The following APOBEC2 variants were observed in gnomAD, a reference collection of about 807,000 sequenced individuals.
The protein encoded by APOBEC2 is apolipoprotein B mRNA editing enzyme catalytic subunit 2.
APOBEC2 carries 14 observed loss-of-function variants against 19.4 expected under a neutral mutation model. That is an observed-to-expected ratio of 0.72 (90% confidence interval 0.48 to 1.13). The LOEUF (loss-of-function observed/expected upper bound fraction) is 1.13. APOBEC2 is among the 50% of genes most tolerant of loss of function. APOBEC2 has a pLI of 0.00. For synonymous variants in APOBEC2, 127 were observed against 112.1 expected (o/e 1.13, Z -0.84); for missense variants, 304 against 277.0 (o/e 1.10, Z -0.69).
At position 41,061,620 on chromosome 6, in the gene APOBEC2, A is replaced by T; in HGVS notation, c.424A>T (p.Thr142Ser). Residue 142 changes from threonine to serine, a missense_variant, in exon 2 of 3, where the codon ACC becomes TCC. By Grantham distance (58) the Thr-to-Ser change is moderately conservative (BLOSUM62 1). Coordinates refer to ENST00000244669, the MANE Select transcript of APOBEC2 (RefSeq NM_006789.4). ...ADRIIKTLSKTKNLRLLILVG... is the reference protein window; with the variant it reads ...ADRIIKTLSKSKNLRLLILVG... ...CCGCATTATCAAAACCCTTAGCAAG[A>T]CCAAGAACCTGCGTCTGCTCATTCT... 1 of 1,614,256 alleles carries T rather than the reference A, an allele frequency of 6.2e-7. No homozygotes were observed. The highest frequency in any genetic ancestry group is 8.5e-7 in the Non-Finnish European group (1 of 1,180,040).
Position 41,064,350 on chromosome 6 carries a change from G to C in APOBEC2, c.*271G>C, listed in dbSNP as rs557363415. ...GAAATGCAACCATACATGGGCTCCA[G>C]TCAACTATGGGACTGAAGGTCCTAA... On this transcript the variant is annotated 3_prime_UTR_variant, in exon 3 of 3. Coordinates refer to ENST00000244669, the MANE Select transcript of APOBEC2 (RefSeq NM_006789.4). 6.6e-6 allele frequency: 1 copy of C among 152,344 alleles called. No individual in the cohort carries two copies. Among genetic ancestry groups the C allele is most frequent in the Admixed American group, 6.5e-5 (1 of 15,304 alleles). 9.4% of individuals were successfully genotyped at this position (152,344 alleles called of 1,614,324 possible). A position where few individuals can be genotyped will look rare whatever the true frequency, so the allele number is the denominator to read the frequency against.
At chr6:41,062,661 G>A (rs895120591) in intron 2 of APOBEC2, among the ~76,000 whole-genome samples, 4 of 152,194 alleles carry the variant, frequency 2.6e-5, no homozygotes, top group African/African-American at 9.7e-5. Context: ...CAGCTCAGAA[G>A]TAACCTCTTA....
rs900245360 is a variant in APOBEC2 at position 41,061,682 on chromosome 6, C to G, written c.486C>G (p.Ile162Met). ...GRLFMWEEPEIQAALKKLKEA... is the reference protein window; with the variant it reads ...GRLFMWEEPEMQAALKKLKEA... ...TCTTCATGTGGGAGGAGCCGGAGAT[C>G]CAGGCTGCTCTGAAGAAGCTGAAGG... is the stretch of plus-strand genomic sequence containing the variant. Residue 162 changes from isoleucine to methionine, a missense_variant, in exon 2 of 3, where the codon ATC becomes ATG. Physicochemically the swap from Ile to Met is conservative, Grantham distance 10. Coordinates refer to ENST00000244669, the MANE Select transcript of APOBEC2 (RefSeq NM_006789.4). 1.9e-6 allele frequency: 3 copies of G among 1,614,228 alleles called. No homozygotes were observed. The highest frequency in any genetic ancestry group is 2.7e-5 in the African/African-American group (2 of 75,048).
intron 1 of APOBEC2, among the ~76,000 whole-genome samples, chr6:41,060,910 T>C (rs1171513999): frequency 3.3e-5 from 5 of 152,250 alleles, no homozygotes; most frequent in Non-Finnish European, 7.3e-5. Flanking sequence ...AAAATACTGA[T>C]GCTTGGACCA....
chr6:41,055,541 G>T (rs75616059), intron 1 of APOBEC2, among the ~76,000 whole-genome samples: 1 of 152,166 alleles, frequency 6.6e-6, no homozygotes, highest in African/African-American at 2.4e-5. Flanking sequence ...AGTCAAGGGG[G>T]TCAGCAAAGC....
At chr6:41,059,885 A>G (rs1292648317) in intron 1 of APOBEC2, among the ~76,000 whole-genome samples, 1 of 152,234 alleles carries the variant, frequency 6.6e-6, no homozygotes, top group African/African-American at 2.4e-5. Flanking sequence ...AGGCAATAGT[A>G]GAATTAATGG....
At position 41,055,351 on chromosome 6, in the gene APOBEC2, C is replaced by T. The variant is rs544014330; in HGVS notation, c.131+1873C>T. Among the ~76,000 whole-genome samples the T allele has an allele frequency of 6.6e-5, 10 of 152,294 alleles. No individual in the cohort carries two copies. In the East Asian group the frequency reaches 1.2e-3, roughly 18 times the overall value. ...GTGAACAGTTCAGGTGGGAGCAGAG[C>T]GCTGAGTGTTTCCTGGCCACAAGTA... is the stretch of plus-strand genomic sequence containing the variant. On this transcript the variant is annotated intron_variant, in intron 1 of 2. Transcript: ENST00000244669.
In APOBEC2 at chr6:41,061,456, G is replaced by A. The variant is rs766120811; in HGVS notation, c.260G>A (p.Arg87Gln). The stretch of plus-strand genomic sequence containing the variant: ...AAGGGGGGCCAAGTGCAGGCATCTC[G>A]GGGATACCTAGAGGATGAGCATGCG... ...QGKGGQVQAS[R>Q]GYLEDEHAAA... is the part of the protein sequence containing the mutation. The change falls in exon 2 of 3, where the codon CGG (arginine) becomes CAG (glutamine). Residue 87 changes from arginine to glutamine, a missense_variant. By Grantham distance (43) the Arg-to-Gln change is conservative. Coordinates refer to ENST00000244669, the MANE Select transcript of APOBEC2 (RefSeq NM_006789.4). 3.8e-5 allele frequency: 62 copies of A among 1,613,548 alleles called. 2 individuals are homozygous for A. In the South Asian group the frequency reaches 4.9e-4, roughly 13 times the overall value.
chr6:41,057,637 C>T (rs142345129), intron 1 of APOBEC2, among the ~76,000 whole-genome samples: 95 of 152,236 alleles, frequency 6.2e-4, no homozygotes, highest in African/African-American at 2.1e-3. Flanking sequence ...CGCCAGTCAC[C>T]AACAGGTCTA....
chr6:41,062,726 C>A (rs997692570), intron 2 of APOBEC2, among the ~76,000 whole-genome samples: 1 of 152,174 alleles, frequency 6.6e-6, no homozygotes, highest in Admixed American at 6.5e-5. Context: ...ATAATTAGGA[C>A]ACAATTAAGG....
Position 41,061,428 on chromosome 6 carries a change from G to A in APOBEC2, c.232G>A (p.Gly78Ser). Residue 78 changes from glycine (G) to serine (S), a missense_variant, in exon 2 of 3, where the codon GGC becomes AGC. Coordinates refer to ENST00000244669, the MANE Select transcript of APOBEC2 (RefSeq NM_006789.4). ...CCTCTGCTATGTGGTTGAAGCACAG[G>A]GCAAGGGGGGCCAAGTGCAGGCATC... ...TFLCYVVEAQ[G>S]KGGQVQASRG... 1.2e-6 allele frequency: 2 copies of A among 1,612,590 alleles called. No individual in the cohort carries two copies. The highest frequency in any genetic ancestry group is 8.5e-7 in the Non-Finnish European group (1 of 1,179,286).
At chr6:41,061,275 T>C in intron 1 of APOBEC2, 53 bp from the exon 2 acceptor site, 3 of 1,493,876 alleles carry the variant, frequency 2.0e-6, no homozygotes, top group Non-Finnish European at 2.7e-6. Flanking sequence ...AGGCTGGTTC[T>C]AGAAACAAGA....
Position 41,054,422 on chromosome 6 carries a change from A to G in APOBEC2, c.131+944A>G, listed in dbSNP as rs537020660. Among the ~76,000 whole-genome samples, 8 of 152,308 alleles carry G rather than the reference A, an allele frequency of 5.3e-5. No individual in the cohort carries two copies. The South Asian group carries it at 1.7e-3, about 32-fold the overall frequency. On this transcript the variant is annotated intron_variant, in intron 1 of 2. Coordinates refer to ENST00000244669, the MANE Select transcript of APOBEC2 (RefSeq NM_006789.4). ...TGCGAGACTAAGAGAAGTTTCAGGA[A>G]GAAAGGAGGCATGATGCTTTCAAGG...
At chr6:41,059,858 A>G (rs770731713) in intron 1 of APOBEC2, among the ~76,000 whole-genome samples, 3 of 152,226 alleles carry the variant, frequency 2.0e-5, no homozygotes, top group Non-Finnish European at 4.4e-5. Context: ...CTTTGGGGAA[A>G]GAGAAGAGGT....
chr6:41,053,568 G>T, intron 1 of APOBEC2, 90 bp downstream of exon 1: 4 of 1,562,908 alleles, frequency 2.6e-6, no homozygotes, highest in Non-Finnish European at 2.6e-6. Context: ...TATATTAGGC[G>T]TCAGGGACAG....
At chr6:41,056,173 G>A (rs960714801) in intron 1 of APOBEC2, among the ~76,000 whole-genome samples, 4 of 152,302 alleles carry the variant, frequency 2.6e-5, no homozygotes, top group African/African-American at 7.2e-5. Flanking sequence ...CCAGGATGGA[G>A]TGCAGTGGTG....
rs753760502 is a variant in APOBEC2 at position 41,061,406 on chromosome 6, C to T, written c.210C>T (p.Leu70=). Reference sequence around the variant, plus strand: ...GTTCCGGGAGGAACAAGACCTTCCTCTGCTATGTGGTTGAAGCACAGGGCA... The same window carrying T: ...GTTCCGGGAGGAACAAGACCTTCCTTTGCTATGTGGTTGAAGCACAGGGCA... The part of the protein sequence containing the change: ...EYSSGRNKTF[L]CYVVEAQGKG... The change falls in exon 2 of 3, where the codon CTC becomes CTT. Residue 70 remains leucine (L), a synonymous_variant. Coordinates refer to ENST00000244669, the MANE Select transcript of APOBEC2 (RefSeq NM_006789.4). The T allele has an allele frequency of 6.2e-7, 1 of 1,604,516 alleles. No homozygotes were observed. The highest frequency in any genetic ancestry group is 8.5e-7 in the Non-Finnish European group (1 of 1,175,654).
chr6:41,063,585 T>C (rs1168775284), intron 2 of APOBEC2, among the ~76,000 whole-genome samples: 1 of 139,386 alleles, frequency 7.2e-6, no homozygotes, highest in Non-Finnish European at 1.5e-5. Flanking sequence ...CTGTATTATC[T>C]GGACCCATTA....
intron 1 of APOBEC2, among the ~76,000 whole-genome samples, chr6:41,057,326 G>A (rs1194260828): frequency 1.3e-5 from 2 of 152,148 alleles, no homozygotes. Context: ...ACCAAGAAGA[G>A]AAGGCAGCGC....
Sources: gnomAD v4.1 joint callset for allele counts (sites outside exome capture counted in the v4.1 genomes callset) on GRCh38, gnomAD v4.1.1 for gene constraint, MANE v1.5 for transcripts, NCBI Gene and HGNC (gene_info 2026-07-23, HGNC 2026-07-21) for gene names.